BCKDHA: variants seen among roughly 807,000 people sequenced by gnomAD.
BCKDHA encodes the protein 2-oxoisovalerate dehydrogenase subunit alpha, mitochondrial.
BCKDHA carries 43 observed loss-of-function variants against 52.2 expected under a neutral mutation model. The observed-to-expected ratio is 0.82, with a 90% CI of 0.64 to 1.06. BCKDHA has a LOEUF of 1.06. Among genes scored for constraint, BCKDHA ranks in the 50% least tolerant of loss-of-function variants. BCKDHA has a pLI of 0.00. For missense variants in BCKDHA, 527 were observed against 621.3 expected (o/e 0.85, Z 1.61); for synonymous variants, 234 against 247.9 (o/e 0.94, Z 0.53).
intron 3 of BCKDHA, among the ~76,000 whole-genome samples, chr19:41,412,763 G>T (rs1429385721): frequency 6.6e-6 from 1 of 151,692 alleles, no homozygotes; most frequent in African/African-American, 2.4e-5. Context: ...GAGTGCAGTG[G>T]CGCAATCTCG....
At chr19:41,404,116 A>G (rs1429998993) in intron 1 of BCKDHA, among the ~76,000 whole-genome samples, 1 of 151,572 alleles carries the variant, frequency 6.6e-6, no homozygotes, top group East Asian at 1.9e-4. Flanking sequence ...AGTAGCTGGG[A>G]CTACAGACAT....
Position 41,423,162 on chromosome 19 carries a change from G to T in BCKDHA, c.1160G>T (p.Arg387Leu). ...EQEKAWRKQSRRKVMEAFEQA... is the reference protein window; with the variant it reads ...EQEKAWRKQSLRKVMEAFEQA... Reference sequence around the variant, plus strand: ...GAGAAGGCCTGGAGGAAGCAGTCCCGCAGGAAGGTGAGGGTGCCCCGCCCG... The same window carrying T: ...GAGAAGGCCTGGAGGAAGCAGTCCCTCAGGAAGGTGAGGGTGCCCCGCCCG... The change falls in exon 8 of 9, where the codon CGC (arginine) becomes CTC (leucine). Residue 387 changes from arginine to leucine, a missense_variant. Transcript: ENST00000269980. 1 of 1,553,740 alleles carries T rather than the reference G, an allele frequency of 6.4e-7. No homozygotes were observed. The highest frequency in any genetic ancestry group is 8.7e-7 in the Non-Finnish European group (1 of 1,148,888).
At position 41,397,911 on chromosome 19, in the gene BCKDHA, T is replaced by G. The variant is rs1599945250; in HGVS notation, c.84T>G (p.Pro28=). The change falls in exon 1 of 9, where the codon CCT becomes CCG. Residue 28 remains proline (P), a synonymous_variant. Transcript: ENST00000269980. The stretch of plus-strand genomic sequence containing the variant: ...CTGCCCTCCTGCTGCTGCGGCAGCC[T>G]GGGGCTCGGGGACTGGCTAGATCTG... ...SQAALLLLRQ[P]GARGLARSHP... 2 of 1,614,026 alleles carry G rather than the reference T, an allele frequency of 1.2e-6. No homozygotes were observed. Among genetic ancestry groups the G allele is most frequent in the Non-Finnish European group, 1.7e-6 (2 of 1,180,010 alleles).
chr19:41,424,452 T>G lies in BCKDHA; in HGVS notation c.1182T>G (p.Phe394Leu), dbSNP rs773510136. 2.5e-6 allele frequency: 4 copies of G among 1,613,992 alleles called. No homozygotes were observed. Among genetic ancestry groups the G allele is most frequent in the Non-Finnish European group, 3.4e-6 (4 of 1,180,046 alleles). The change falls in exon 9 of 9, where the codon TTT becomes TTG. Residue 394 changes from phenylalanine (F) to leucine (L), a missense_variant. By Grantham distance (22) the Phe-to-Leu change is conservative. Coordinates refer to ENST00000269980, the MANE Select transcript of BCKDHA (RefSeq NM_000709.4). ...KQSRRKVMEA[F>L]EQAERKPKPN... ...TGTCCCCACAGGTGATGGAGGCCTT[T>G]GAGCAGGCCGAGCGGAAGCCCAAAC...
At position 41,398,661 on chromosome 19, in the gene BCKDHA, A is replaced by T. The variant is rs368250503; in HGVS notation, c.108+726A>T. Among the ~76,000 whole-genome samples the T allele has an allele frequency of 1.4e-3, 220 of 152,316 alleles. 1 individual carries two copies. Among genetic ancestry groups the T allele is most frequent in the African/African-American group, 5.1e-3 (212 of 41,584 alleles). On this transcript the variant is annotated intron_variant, in intron 1 of 8. Coordinates refer to ENST00000269980, the MANE Select transcript of BCKDHA (RefSeq NM_000709.4). Reference sequence around the variant, plus strand: ...AAAGGGTCACAATCCCTTCAGGTGGATGCTGCTAAGGGCAAGATTACACTG... The same window carrying T: ...AAAGGGTCACAATCCCTTCAGGTGGTTGCTGCTAAGGGCAAGATTACACTG...
chr19:41,400,130 G>A (rs1004815949), intron 1 of BCKDHA, among the ~76,000 whole-genome samples: 3 of 151,794 alleles, frequency 2.0e-5, no homozygotes, highest in African/African-American at 7.3e-5. Flanking sequence ...GCAGTGGTGT[G>A]ATCATGGCTC....
chr19:41,402,404 T>C (rs1207112928), intron 1 of BCKDHA, among the ~76,000 whole-genome samples: 2 of 152,068 alleles, frequency 1.3e-5, no homozygotes, highest in Non-Finnish European at 2.9e-5. Flanking sequence ...CACTGAATGG[T>C]TTACAAATCC....
At position 41,410,935 on chromosome 19, in the gene BCKDHA, A is replaced by G; in HGVS notation, c.301A>G (p.Lys101Glu). Reference protein sequence around the residue: ...PSEDPHLPKEKVLKLYKSMTL... With the variant: ...PSEDPHLPKEEVLKLYKSMTL... ...CCTCCACCCGCAGCTGCCGAAGGAGAAGGTGCTGAAGCTCTACAAGAGCAT... is the reference window on the plus strand; with the variant it reads ...CCTCCACCCGCAGCTGCCGAAGGAGGAGGTGCTGAAGCTCTACAAGAGCAT... Residue 101 changes from lysine (K) to glutamate (E), a missense_variant, in exon 3 of 9, where the codon AAG (lysine) becomes GAG (glutamate). Transcript: ENST00000269980. 6.2e-7 allele frequency: 1 copy of G among 1,614,030 alleles called. No homozygotes were observed. The highest frequency in any genetic ancestry group is 8.5e-7 in the Non-Finnish European group (1 of 1,180,006).
Position 41,424,751 on chromosome 19 carries a change from C to A in BCKDHA, c.*143C>A. On this transcript the variant is annotated 3_prime_UTR_variant, in exon 9 of 9. Transcript: ENST00000269980. ...TACTCAGCGGCCAGGGCGGCTGCCA[C>A]TCTTCACCCCTGCTCCTCCCGGCTG... The A allele has an allele frequency of 2.3e-6, 2 of 871,434 alleles. No homozygotes were observed. Among genetic ancestry groups the A allele is most frequent in the Non-Finnish European group, 3.4e-6 (2 of 585,548 alleles). 54.0% of individuals were successfully genotyped at this position (871,434 alleles called of 1,614,324 possible).
intron 8 of BCKDHA, 71 bp downstream of exon 8, chr19:41,423,240 G>A (rs1424798528): frequency 7.1e-6 from 11 of 1,541,394 alleles, no homozygotes; most frequent in Non-Finnish European, 8.7e-6. Context: ...AGGATTTGTG[G>A]AACACCGAAC....
intron 5 of BCKDHA, among the ~76,000 whole-genome samples, chr19:41,420,855 T>C (rs2039356629): frequency 1.3e-5 from 2 of 152,200 alleles, no homozygotes; most frequent in South Asian, 4.1e-4. Flanking sequence ...CCTCATAGTG[T>C]GGAGAACAAG....
chr19:41,422,980 C>T lies in BCKDHA; in HGVS notation c.996-18C>T, dbSNP rs201511678. ...CCAGGGAGCCCACACTGACCTGGGGCCCCTTGCCCCTGTGCAGGATCGGGC... is the reference window on the plus strand; with the variant it reads ...CCAGGGAGCCCACACTGACCTGGGGTCCCTTGCCCCTGTGCAGGATCGGGC... On this transcript the variant is annotated intron_variant, in intron 7 of 8. Coordinates refer to ENST00000269980, the MANE Select transcript of BCKDHA (RefSeq NM_000709.4). 4.4e-4 allele frequency: 701 copies of T among 1,606,244 alleles called. 10 individuals carry two copies. In the African/African-American group the frequency reaches 8.1e-3, roughly 18 times the overall value.
At chr19:41,403,299 G>A (rs2039157147) in intron 1 of BCKDHA, among the ~76,000 whole-genome samples, 1 of 152,180 alleles carries the variant, frequency 6.6e-6, no homozygotes, top group Non-Finnish European at 1.5e-5. Context: ...GGAGTTAACT[G>A]GCACCATCCA....
chr19:41,419,595 C>T (rs1477661719), intron 5 of BCKDHA, among the ~76,000 whole-genome samples: 1 of 152,128 alleles, frequency 6.6e-6, no homozygotes, highest in Non-Finnish European at 1.5e-5. Flanking sequence ...GTGTGCACCA[C>T]CACGCCCAGC....
At chr19:41,422,450 C>T (rs1223516234) in intron 6 of BCKDHA, 80 bp downstream of exon 6, 8 of 1,587,456 alleles carry the variant, frequency 5.0e-6, no homozygotes, top group Non-Finnish European at 6.9e-6. Context: ...CCTGCCACCC[C>T]TACCCTCCTT....
chr19:41,417,241 C>T (rs535531411), intron 4 of BCKDHA, among the ~76,000 whole-genome samples: 4 of 152,088 alleles, frequency 2.6e-5, no homozygotes, highest in Non-Finnish European at 4.4e-5. Flanking sequence ...GTCTCAAACT[C>T]CTGAGCTCAA....
At chr19:41,419,425 G>A in intron 5 of BCKDHA, 129 bp downstream of exon 5, 1 of 1,177,388 alleles carries the variant, frequency 8.5e-7, no homozygotes, top group Non-Finnish European at 1.2e-6. Flanking sequence ...CCTGGTCTGT[G>A]CTCCAGACTT....
intron 3 of BCKDHA, 43 bp downstream of exon 3, chr19:41,411,052 G>A: frequency 6.3e-7 from 1 of 1,597,114 alleles, no homozygotes. Flanking sequence ...GGAATTACCT[G>A]AGGTCCCCTA....
intron 1 of BCKDHA, among the ~76,000 whole-genome samples, chr19:41,398,359 G>A (rs553858291): frequency 1.3e-5 from 2 of 152,280 alleles, no homozygotes; most frequent in South Asian, 2.1e-4. Context: ...GAAGAAAGAA[G>A]AGAACAGGTC....
Sources: gnomAD v4.1 joint callset for allele counts (sites outside exome capture counted in the v4.1 genomes callset) on GRCh38, gnomAD v4.1.1 for gene constraint, MANE v1.5 for transcripts, NCBI Gene and HGNC (gene_info 2026-07-23, HGNC 2026-07-21) for gene names.